The following AGBL1 variants were observed in gnomAD, a reference collection of about 807,000 sequenced individuals.
The protein encoded by AGBL1 is AGBL carboxypeptidase 1.
AGBL1 carries 130 observed loss-of-function variants against 118.9 expected under a neutral mutation model. That is an observed-to-expected ratio of 1.09 (90% CI 0.95 to 1.26). The LOEUF (loss-of-function observed/expected upper bound fraction) is 1.26, where lower values mean the gene tolerates loss of function less well. Ranked by LOEUF, AGBL1 falls within the 50% of genes most tolerant of loss-of-function variation. AGBL1 has a pLI of 0.00. For missense variants in AGBL1, 1,584 were observed against 1,298.1 expected (o/e 1.22, Z -3.38); for synonymous variants, 555 against 478.9 (o/e 1.16, Z -2.08).
chr15:86,988,208 A>G, intron 24 of AGBL1: 2 of 1,215,866 alleles, frequency 1.6e-6, no homozygotes, highest in Admixed American at 2.4e-5. Flanking sequence ...GCCAACAACA[A>G]AAAAACAACA....
Position 86,912,252 on chromosome 15 carries a change from G to A in AGBL1, c.*4958G>A, listed in dbSNP as rs569989225. The A allele has an allele frequency of 5.3e-5, 8 of 152,278 alleles. No homozygotes were observed. The highest frequency in any genetic ancestry group is 1.4e-4 in the African/African-American group (6 of 41,548). 9.4% of individuals were successfully genotyped at this position (152,278 alleles called of 1,614,324 possible). A position where few individuals can be genotyped will look rare whatever the true frequency, so the allele number is the denominator to read the frequency against. On this transcript the variant is annotated 3_prime_UTR_variant, in exon 23 of 23. Transcript: ENST00000614907. ...CATGGAAGAGTTCCCAGTGCGAGGC[G>A]AGCTTAACAAGGGGCAGGGTGTCCT...
chr15:86,151,255 C>T (rs2077105670), intron 3 of AGBL1, among the ~76,000 whole-genome samples: 2 of 147,646 alleles, frequency 1.4e-5, no homozygotes, highest in Non-Finnish European at 1.5e-5. Flanking sequence ...ACATATGTAA[C>T]TAAGCTGCAC....
chr15:86,463,910 C>T (rs948261254), intron 18 of AGBL1, among the ~76,000 whole-genome samples: 9 of 152,036 alleles, frequency 5.9e-5, no homozygotes, highest in African/African-American at 1.7e-4. Flanking sequence ...TTAGGATTGT[C>T]TTGGCTATAC....
At chr15:86,265,597 A>G (rs2079058862) in intron 11 of AGBL1, among the ~76,000 whole-genome samples, 1 of 152,156 alleles carries the variant, frequency 6.6e-6, no homozygotes, top group Admixed American at 6.5e-5. Context: ...CTTGATGGTA[A>G]ATCCCCCAAA....
chr15:86,107,364 G>T (rs932496734), intron 1 of AGBL1, among the ~76,000 whole-genome samples: 1 of 152,168 alleles, frequency 6.6e-6, no homozygotes, highest in Non-Finnish European at 1.5e-5. Flanking sequence ...AGGTTCTACT[G>T]CATATAAACT....
Position 86,213,717 on chromosome 15 carries a change from C to T in AGBL1, c.489-11197C>T, listed in dbSNP as rs183440436. 1.2e-4 allele frequency among the ~76,000 whole-genome samples: 18 copies of T among 152,204 alleles called. No individual in the cohort carries two copies. In the East Asian group the frequency reaches 3.3e-3, roughly 28 times the overall value. On this transcript the variant is annotated intron_variant, in intron 5 of 22. Coordinates refer to ENST00000614907, the MANE Select transcript of AGBL1 (RefSeq NM_001386094.1). ...AAAAGAGGGATGACTAGTTAGTCAT[C>T]AAATACAAGAATAACTCTTTTTGTT...
chr15:86,125,605 T>C (rs77367101), intron 1 of AGBL1, among the ~76,000 whole-genome samples: 2,010 of 152,346 alleles, frequency 0.013, 25 homozygotes, highest in East Asian at 0.063. Flanking sequence ...GTCAAGTGAC[T>C]GCTTATGAGG....
At chr15:86,645,173 G>A (rs886410965) in intron 21 of AGBL1, among the ~76,000 whole-genome samples, 2 of 152,112 alleles carry the variant, frequency 1.3e-5, no homozygotes, top group African/African-American at 4.8e-5. Flanking sequence ...TGGTTATATA[G>A]AAGAATATTC....
intron 23 of AGBL1, among the ~76,000 whole-genome samples, chr15:86,947,795 T>A (rs1180147206): frequency 6.6e-6 from 1 of 152,210 alleles, no homozygotes; most frequent in East Asian, 1.9e-4. Flanking sequence ...TTTGTGAAGT[T>A]GTTGTGATTA....
At chr15:86,930,979 C>T (rs1456340792) in intron 23 of AGBL1, among the ~76,000 whole-genome samples, 11 of 152,150 alleles carry the variant, frequency 7.2e-5, no homozygotes, top group Non-Finnish European at 1.2e-4. Flanking sequence ...CAGACCCCCA[C>T]CAAACAGATC....
chr15:86,168,162 C>T (rs959379148), intron 5 of AGBL1, among the ~76,000 whole-genome samples: 2 of 152,094 alleles, frequency 1.3e-5, no homozygotes. Context: ...CAGTCCTTGC[C>T]CTCAAGGATT....
At chr15:86,291,364 G>GCACACACA (rs71144036) in intron 16 of AGBL1, among the ~76,000 whole-genome samples, 7 of 150,998 alleles carry the variant, frequency 4.6e-5, no homozygotes, top group South Asian at 2.1e-4. Context: ...GTTTATTTAT[G>GCACACACA]CACACACACA....
chr15:86,257,274 C>A (rs777993878), intron 8 of AGBL1, among the ~76,000 whole-genome samples: 9 of 152,060 alleles, frequency 5.9e-5, no homozygotes, highest in Non-Finnish European at 1.2e-4. Context: ...CTATCAAATG[C>A]CTGTACAGTC....
At chr15:86,989,735 T>G (rs561952606) in intron 24 of AGBL1, among the ~76,000 whole-genome samples, 7 of 152,208 alleles carry the variant, frequency 4.6e-5, no homozygotes, top group Non-Finnish European at 1.0e-4. Context: ...AGATAGAGAT[T>G]GGTAGGTACT....
At chr15:86,213,152 C>T (rs2078128983) in intron 5 of AGBL1, among the ~76,000 whole-genome samples, 1 of 152,170 alleles carries the variant, frequency 6.6e-6, no homozygotes, top group Non-Finnish European at 1.5e-5. Flanking sequence ...AAGAGTTCCT[C>T]AAAACTAAAA....
At chr15:86,500,315 G>T (rs2082903280) in intron 18 of AGBL1, among the ~76,000 whole-genome samples, 1 of 151,672 alleles carries the variant, frequency 6.6e-6, no homozygotes. Context: ...AATTGTGGTT[G>T]ACTTCTAAAA....
intron 21 of AGBL1, among the ~76,000 whole-genome samples, chr15:86,629,771 C>T (rs11852234): frequency 0.12 from 17,571 of 152,132 alleles, 1,157 homozygotes; most frequent in East Asian, 0.15. Context: ...ATTTCCCGTT[C>T]ATATTTATAG....
At chr15:86,299,070 T>A (rs1315686309) in intron 17 of AGBL1, among the ~76,000 whole-genome samples, 1 of 152,216 alleles carries the variant, frequency 6.6e-6, no homozygotes, top group Non-Finnish European at 1.5e-5. Context: ...TTATTTTCAG[T>A]TGAGTCGTCA....
chr15:86,432,370 G>A (rs1415783669), intron 18 of AGBL1, among the ~76,000 whole-genome samples: 2 of 152,084 alleles, frequency 1.3e-5, no homozygotes, highest in Admixed American at 6.6e-5. Flanking sequence ...CTTTGTTTTT[G>A]ATGACTTCGA....
Sources: gnomAD v4.1 joint callset for allele counts (sites outside exome capture counted in the v4.1 genomes callset) on GRCh38, gnomAD v4.1.1 for gene constraint, MANE v1.5 for transcripts, NCBI Gene and HGNC (gene_info 2026-07-23, HGNC 2026-07-21) for gene names.